Variants in CLIP4 observed in about 807,000 individuals in gnomAD.
The protein encoded by CLIP4 is CAP-Gly domain-containing linker protein 4.
A neutral mutation model predicts 73.1 loss-of-function variants in CLIP4; 47 were observed. That is an observed-to-expected ratio of 0.64 (90% CI 0.51 to 0.82). The LOEUF (loss-of-function observed/expected upper bound fraction) is 0.82. Ranked by LOEUF, CLIP4 falls within the 40% of genes least tolerant of loss-of-function variation. The probability of loss-of-function intolerance (pLI) is 0.00; values close to 1 mark genes in which losing one functional copy is unlikely to be tolerated. For missense variants in CLIP4, 874 were observed against 852.9 expected, an observed-to-expected ratio of 1.02 and a Z score of -0.31; for synonymous variants, 306 against 295.4, an observed-to-expected ratio of 1.04 and a Z score of -0.37.
At position 29,183,297 on chromosome 2, in the gene CLIP4, C is replaced by T. The variant is rs1194371050; in HGVS notation, c.*1404C>T. On this transcript the variant is annotated 3_prime_UTR_variant, in exon 16 of 16. Transcript: ENST00000320081. Reference sequence around the variant, plus strand: ...AGAAATAATATGTTGAACTATTTTGCAATATACTATTTTAAATCTAAATTC... The same window carrying T: ...AGAAATAATATGTTGAACTATTTTGTAATATACTATTTTAAATCTAAATTC... 1 of 152,584 alleles carries T rather than the reference C, an allele frequency of 6.6e-6. No homozygotes were observed. The highest frequency in any genetic ancestry group is 1.5e-5 in the Non-Finnish European group (1 of 68,022). 9.5% of individuals were successfully genotyped at this position (152,584 alleles called of 1,614,324 possible).
intron 6 of CLIP4, among the ~76,000 whole-genome samples, chr2:29,137,451 G>T (rs373496741): frequency 2.6e-5 from 4 of 152,172 alleles, no homozygotes; most frequent in African/African-American, 7.2e-5. Context: ...TGATTCCATG[G>T]CTTTGCTATT....
intron 2 of CLIP4, among the ~76,000 whole-genome samples, chr2:29,122,543 C>T (rs1466619872): frequency 6.6e-5 from 10 of 151,864 alleles, no homozygotes; most frequent in African/African-American, 2.4e-4. Flanking sequence ...CTCAAAAAGG[C>T]TAATATAGTC....
At chr2:29,148,912 A>G (rs1022271120) in intron 8 of CLIP4, among the ~76,000 whole-genome samples, 10 of 152,212 alleles carry the variant, frequency 6.6e-5, no homozygotes, top group Non-Finnish European at 4.4e-5. Context: ...TATTCTAAAC[A>G]CATGTTGATT....
At position 29,115,795 on chromosome 2, in the gene CLIP4, G is replaced by A. The variant is rs1313647377; in HGVS notation, c.-16+130G>A. The A allele has an allele frequency of 6.6e-6, 1 of 151,452 alleles. No homozygotes were observed. Among genetic ancestry groups the A allele is most frequent in the African/African-American group, 2.4e-5 (1 of 41,314 alleles). 9.4% of individuals were successfully genotyped at this position (151,452 alleles called of 1,614,324 possible). ...CGGGAGGGTCGCGCAGAGGCGCTGG[G>A]GGCTGTGGAAGCCCCGCGGCCGCCT... On this transcript the variant is annotated intron_variant, in intron 1 of 15. Coordinates refer to ENST00000320081, the MANE Select transcript of CLIP4 (RefSeq NM_024692.6). This position sits in a 1 kb window ranked among gnomAD's most constrained non-coding sequence, Gnocchi z 5.1.
Position 29,156,397 on chromosome 2 carries a change from T to G in CLIP4, c.1209T>G (p.Leu403=). 4.4e-6 allele frequency: 7 copies of G among 1,589,870 alleles called. No homozygotes were observed. Among genetic ancestry groups the G allele is most frequent in the Non-Finnish European group, 6.0e-6 (7 of 1,174,210 alleles). The change falls in exon 10 of 16, where the codon CTT becomes CTG. Residue 403 remains leucine (L), a synonymous_variant. Coordinates refer to ENST00000320081, the MANE Select transcript of CLIP4 (RefSeq NM_024692.6). The part of the protein sequence containing the change: ...SKKDSASEST[L]SLPPGEELKT... Reference sequence around the variant, plus strand: ...AAGATAGTGCTTCTGAGTCAACACTTTCATTGCCTCCTGGTGAAGAACTTA... The same window carrying G: ...AAGATAGTGCTTCTGAGTCAACACTGTCATTGCCTCCTGGTGAAGAACTTA...
chr2:29,177,927 C>T (rs1668437102), intron 15 of CLIP4, among the ~76,000 whole-genome samples: 7 of 152,162 alleles, frequency 4.6e-5, no homozygotes, highest in Admixed American at 4.6e-4. Context: ...CTTTGACATA[C>T]CTTGAATCAA....
chr2:29,152,796 A>G lies in CLIP4; in HGVS notation c.1133A>G (p.Asp378Gly). The change falls in exon 9 of 16, where the codon GAC (aspartate) becomes GGC (glycine). Residue 378 changes from aspartate (D) to glycine (G), a missense_variant. Physicochemically the swap from Asp to Gly is moderately conservative, Grantham distance 94. Coordinates refer to ENST00000320081, the MANE Select transcript of CLIP4 (RefSeq NM_024692.6). The stretch of plus-strand genomic sequence containing the variant: ...CCTCTCATCAGGTCCCAGAAAATTG[A>G]CGTAGCTCATGTGACGTCAAAAGTA... Reference protein sequence around the residue: ...AVPLIRSQKIDVAHVTSKVNT... With the variant: ...AVPLIRSQKIGVAHVTSKVNT... 6.2e-7 allele frequency: 1 copy of G among 1,613,816 alleles called. No homozygotes were observed. The highest frequency in any genetic ancestry group is 8.5e-7 in the Non-Finnish European group (1 of 1,179,830).
chr2:29,098,412 G>A (rs1176185336), intron 1 of CLIP4, among the ~76,000 whole-genome samples: 2 of 152,072 alleles, frequency 1.3e-5, no homozygotes, highest in East Asian at 1.9e-4. Context: ...CATCCTTCCC[G>A]CTCTCTTTCC....
chr2:29,178,093 T>C (rs1668447206), intron 15 of CLIP4, among the ~76,000 whole-genome samples: 1 of 152,114 alleles, frequency 6.6e-6, no homozygotes, highest in Non-Finnish European at 1.5e-5. Context: ...TGCAAAAAGG[T>C]CATCTGTAAT....
intron 1 of CLIP4, among the ~76,000 whole-genome samples, chr2:29,117,861 T>A (rs756915691): frequency 3.9e-5 from 6 of 152,218 alleles, no homozygotes; most frequent in Non-Finnish European, 8.8e-5. Flanking sequence ...TTCTTTACCT[T>A]TGCATAGCTT....
upstream of CLIP4, chr2:29,113,871 C>G (rs973406184): frequency 2.0e-5 from 3 of 152,186 alleles, no homozygotes; most frequent in Admixed American, 6.5e-5. The surrounding 1 kb of genome is among the most constrained non-coding windows in gnomAD (Gnocchi z 4.0). Flanking sequence ...TGAAGCCAAC[C>G]AAGGGCAGAT....
intron 1 of CLIP4, among the ~76,000 whole-genome samples, chr2:29,107,381 T>TGTTTTTTTTTTTTTG (rs1668254482): frequency 7.7e-6 from 1 of 129,404 alleles, no homozygotes; most frequent in African/African-American, 3.0e-5. Context: ...TTTTTTTTTT[T>TGTTTTTTTTTTTTTG]TTTTTTTTGA....
intron 14 of CLIP4, 62 bp from the exon 15 acceptor site, chr2:29,174,311 C>T (rs773835982): frequency 4.8e-5 from 61 of 1,282,318 alleles, no homozygotes; most frequent in Non-Finnish European, 6.5e-5. Flanking sequence ...GATAAAATAT[C>T]ATTTTAAATA....
At position 29,150,519 on chromosome 2, in the gene CLIP4, T is replaced by C. The variant is rs148730571; in HGVS notation, c.1022-2166T>C. On this transcript the variant is annotated intron_variant, in intron 8 of 15. Transcript: ENST00000320081. ...TCAAACAAATCAGAAAAAGACTCCA[T>C]AGCTTGACTTCTCTTATAAATGTTT... 5.9e-3 allele frequency among the ~76,000 whole-genome samples: 904 copies of C among 152,224 alleles called. 9 individuals carry two copies. Among genetic ancestry groups the C allele is most frequent in the African/African-American group, 0.021 (856 of 41,542 alleles).
At chr2:29,160,530 CA>C (rs1423775699) in intron 12 of CLIP4, 63 bp downstream of exon 12, 1 of 1,556,724 alleles carries the variant, frequency 6.4e-7, no homozygotes, top group Admixed American at 1.8e-5. Context: ...TAAAATTTTA[CA>C]TGTAAATAGA....
chr2:29,130,007 T>C lies in CLIP4; in HGVS notation c.134-1251T>C, dbSNP rs1208931112. 6.4e-6 allele frequency: 3 copies of C among 471,136 alleles called. 1 individual carries two copies. The highest frequency in any genetic ancestry group is 4.6e-5 in the South Asian group (3 of 64,562). 29.2% of individuals were successfully genotyped at this position (471,136 alleles called of 1,614,324 possible). On this transcript the variant is annotated intron_variant, in intron 2 of 15. Coordinates refer to ENST00000320081, the MANE Select transcript of CLIP4 (RefSeq NM_024692.6). Reference sequence around the variant, plus strand: ...TCTGGAACACAGGGAATCATGTGTTTCACCCTTCCCCCTTTTGAACAGAAT... The same window carrying C: ...TCTGGAACACAGGGAATCATGTGTTCCACCCTTCCCCCTTTTGAACAGAAT...
At chr2:29,142,785 A>G (rs1665864640) in intron 6 of CLIP4, among the ~76,000 whole-genome samples, 1 of 152,232 alleles carries the variant, frequency 6.6e-6, no homozygotes, top group Non-Finnish European at 1.5e-5. Flanking sequence ...AAGTATCTTT[A>G]TTCTTTATAT....
rs764212189 is a variant in CLIP4, at chr2:29,160,366, ATAGCCGTTGCGAGGGGGAACT to A, written c.1434_1454del (p.Ser479_Leu485del). The A allele has an allele frequency of 6.2e-7, 1 of 1,614,140 alleles. No individual in the cohort carries two copies. The highest frequency in any genetic ancestry group is 8.5e-7 in the Non-Finnish European group (1 of 1,180,008). On this transcript the variant is annotated inframe_deletion, in exon 12 of 16. Transcript: ENST00000320081. The stretch of plus-strand genomic sequence containing the variant: ...TCCTCAGCAACATCTACAGCAAATA[ATAGCCGTTGCGAGGGGGAACT>A]CCGCCTCGGAGAGAGAGTGTTAGTG...
In CLIP4 at chr2:29,143,739, G is replaced by A; in HGVS notation, c.679G>A (p.Val227Ile). 1 of 1,613,694 alleles carries A rather than the reference G, an allele frequency of 6.2e-7. No individual in the cohort carries two copies. Among genetic ancestry groups the A allele is most frequent in the Non-Finnish European group, 8.5e-7 (1 of 1,179,604 alleles). The change falls in exon 7 of 16, where the codon GTT becomes ATT. Residue 227 changes from valine to isoleucine, a missense_variant. Val to Ile is a conservative substitution (Grantham distance 29). Transcript: ENST00000320081. ...NDKGQIPADV[V>I]PDPVDMPLEM... ...CAAAGGACAGATCCCTGCTGATGTT[G>A]TTCCAGACCCAGTAGATATGCCGTT...
Sources: gnomAD v4.1 joint callset for allele counts (sites outside exome capture counted in the v4.1 genomes callset) on GRCh38, gnomAD v4.1.1 for gene constraint, Gnocchi (gnomAD v3.1) non-coding constraint, MANE v1.5 for transcripts, NCBI Gene and HGNC (gene_info 2026-07-23, HGNC 2026-07-21) for gene names.